The following UNC5C variants were observed in gnomAD, a reference collection of about 807,000 sequenced individuals.
The protein encoded by UNC5C is unc-5 netrin receptor C.
Under a neutral mutation model 99.8 loss-of-function variants are expected in UNC5C, and 47 were observed. The ratio of observed to expected loss-of-function variants is 0.47; its 90% CI spans 0.37 to 0.60. UNC5C has a LOEUF of 0.60. Ranked by LOEUF, UNC5C falls within the 20% of genes least tolerant of loss-of-function variation. The pLI is 0.00. For missense variants in UNC5C, 1,062 were observed against 1,165.9 expected (o/e 0.91, Z 1.30); for synonymous variants, 487 against 452.2 (o/e 1.08, Z -0.98).
intron 3 of UNC5C, 120 bp downstream of exon 3, chr4:95,301,486 C>T (rs570899306): frequency 6.0e-5 from 85 of 1,419,562 alleles, no homozygotes; most frequent in Non-Finnish European, 7.9e-5. Context: ...TGAGTCACCG[C>T]GCCTGGCCTT....
At chr4:95,461,631 A>G (rs1184202603) in intron 1 of UNC5C, among the ~76,000 whole-genome samples, 1 of 152,214 alleles carries the variant, frequency 6.6e-6, no homozygotes, top group Non-Finnish European at 1.5e-5. Flanking sequence ...CTGTTACATT[A>G]TCCTTAGTCT....
chr4:95,534,023 ACATTTTTATAATTATGTAGGGACTAAAC>A, intron 1 of UNC5C, among the ~76,000 whole-genome samples: 1 of 152,262 alleles, frequency 6.6e-6, no homozygotes, highest in South Asian at 2.1e-4. Flanking sequence ...TAAAGATAAA[ACATTTTTATAATTATGTAGGGACTAAAC>A]CATACTGTTG....
chr4:95,207,941 C>A (rs1019749169), intron 10 of UNC5C, among the ~76,000 whole-genome samples: 2 of 152,194 alleles, frequency 1.3e-5, no homozygotes, highest in Non-Finnish European at 2.9e-5. Flanking sequence ...TACACTGTTT[C>A]ATATATTTGG....
chr4:95,309,398 A>G (rs772641874), intron 2 of UNC5C, among the ~76,000 whole-genome samples: 1 of 152,166 alleles, frequency 6.6e-6, no homozygotes, highest in Non-Finnish European at 1.5e-5. Context: ...TATGACCCCA[A>G]AAACACAGGC....
chr4:95,481,842 T>C (rs969747428), intron 1 of UNC5C, among the ~76,000 whole-genome samples: 8 of 152,020 alleles, frequency 5.3e-5, no homozygotes, highest in Non-Finnish European at 8.8e-5. Context: ...TCCTTACATC[T>C]TATACAAAAA....
intron 1 of UNC5C, among the ~76,000 whole-genome samples, chr4:95,405,743 T>A (rs1043949852): frequency 9.9e-5 from 15 of 152,202 alleles, no homozygotes; most frequent in Non-Finnish European, 1.9e-4. Flanking sequence ...TCCTGTTTTA[T>A]TGCTGCGTGC....
intron 6 of UNC5C, among the ~76,000 whole-genome samples, chr4:95,244,118 C>T (rs900524307): frequency 6.6e-6 from 1 of 151,908 alleles, no homozygotes; most frequent in Non-Finnish European, 1.5e-5. Flanking sequence ...ATAAACATGA[C>T]CAAATTAGGC....
Position 95,258,746 on chromosome 4 carries a change from C to CTTTTTTTTTTTTTTTT in UNC5C, c.595-8095_595-8080dup, listed in dbSNP as rs775570031. 4.6e-4 allele frequency among the ~76,000 whole-genome samples: 35 copies of CTTTTTTTTTTTTTTTT among 76,038 alleles called. 2 individuals carry two copies. Among genetic ancestry groups the CTTTTTTTTTTTTTTTT allele is most frequent in the East Asian group, 1.1e-3 (2 of 1,890 alleles). The allele number at this position is 76,038 out of a possible 152,430, so 49.9% of individuals were successfully genotyped here. A position where few individuals can be genotyped will look rare whatever the true frequency, so the allele number is the denominator to read the frequency against. Reference sequence around the variant, plus strand: ...ACTATGTGTAATCGACCATCTTATTCTTTTTTTTTTTTTTTTTTTTTTTTT... The same window carrying CTTTTTTTTTTTTTTTT: ...ACTATGTGTAATCGACCATCTTATTCTTTTTTTTTTTTTTTTTTTTTTTTTTTTTTTTTTTTTTTTT... On this transcript the variant is annotated intron_variant, in intron 4 of 15. Transcript: ENST00000453304.
At chr4:95,232,995 C>T (rs575215811) in intron 7 of UNC5C, among the ~76,000 whole-genome samples, 301 of 152,340 alleles carry the variant, frequency 2.0e-3, no homozygotes, top group South Asian at 2.5e-3. Flanking sequence ...CTAGCACCTT[C>T]TCAAATGCCT....
chr4:95,195,576 C>T (rs10003306), intron 12 of UNC5C, among the ~76,000 whole-genome samples: 3,900 of 152,126 alleles, frequency 0.026, 169 homozygotes, highest in African/African-American at 0.089. Flanking sequence ...GTTCAGAGTT[C>T]GGTAAGGTCA....
chr4:95,332,166 G>A (rs1560790170), intron 2 of UNC5C, among the ~76,000 whole-genome samples: 1 of 151,856 alleles, frequency 6.6e-6, no homozygotes, highest in African/African-American at 2.4e-5. Flanking sequence ...TATAGATTCA[G>A]TGCCATCCCC....
At chr4:95,415,918 T>C (rs1746148450) in intron 1 of UNC5C, among the ~76,000 whole-genome samples, 1 of 152,076 alleles carries the variant, frequency 6.6e-6, no homozygotes, top group African/African-American at 2.4e-5. Context: ...ATTGTTGTTT[T>C]TTTTTTCACT....
Position 95,231,771 on chromosome 4 carries a change from G to A in UNC5C, c.1108+10658C>T, listed in dbSNP as rs75094381. Among the ~76,000 whole-genome samples, 928 of 152,268 alleles carry A rather than the reference G, an allele frequency of 6.1e-3. 12 individuals are homozygous for A. The highest frequency in any genetic ancestry group is 0.021 in the African/African-American group (882 of 41,538). ...CTGCACTAATGATGTCAAAGGTCAG[G>A]TCTGTCAAAGACACCCAGGGTCATT... On this transcript the variant is annotated intron_variant, in intron 7 of 15. Transcript: ENST00000453304.
In UNC5C at chr4:95,328,950, C is replaced by T. The variant is rs28494154; in HGVS notation, c.346+6460G>A. ...CCCCTCACCTGCATGCTCCCCCTCT[C>T]GAAAGCTGTTTGAGTGTGGCTTAAA... is the stretch of plus-strand genomic sequence containing the variant. On this transcript the variant is annotated intron_variant, in intron 2 of 15. Coordinates refer to ENST00000453304, the MANE Select transcript of UNC5C (RefSeq NM_003728.4). Among the ~76,000 whole-genome samples the T allele has an allele frequency of 7.6e-3, 1,160 of 152,144 alleles. 17 individuals carry two copies. The highest frequency in any genetic ancestry group is 0.026 in the African/African-American group (1,097 of 41,468).
At chr4:95,288,582 G>A (rs1741328174) in intron 3 of UNC5C, among the ~76,000 whole-genome samples, 1 of 152,122 alleles carries the variant, frequency 6.6e-6, no homozygotes, top group Non-Finnish European at 1.5e-5. Context: ...AGTTCTAAAG[G>A]CCAAATAATT....
chr4:95,392,770 A>G (rs1016545364), intron 1 of UNC5C, among the ~76,000 whole-genome samples: 1 of 152,136 alleles, frequency 6.6e-6, no homozygotes, highest in African/African-American at 2.4e-5. Flanking sequence ...CTATTCCACT[A>G]CAGAAATCTT....
chr4:95,250,213 G>A (rs1739645532), intron 5 of UNC5C, among the ~76,000 whole-genome samples: 1 of 152,040 alleles, frequency 6.6e-6, no homozygotes, highest in Non-Finnish European at 1.5e-5. Flanking sequence ...AGCAGCGATG[G>A]AGATTGAAAA....
intron 3 of UNC5C, among the ~76,000 whole-genome samples, chr4:95,293,266 T>C (rs548933723): frequency 1.3e-5 from 2 of 151,580 alleles, no homozygotes; most frequent in South Asian, 4.2e-4. Flanking sequence ...AAGGTCTGTT[T>C]ATGTTTCTGT....
chr4:95,434,539 C>G (rs1447688499), intron 1 of UNC5C, among the ~76,000 whole-genome samples: 2 of 152,046 alleles, frequency 1.3e-5, no homozygotes, highest in African/African-American at 4.8e-5. Flanking sequence ...GCTTTATATA[C>G]TTCCTTTACA....
Sources: allele counts gnomAD v4.1 joint callset (sites outside exome capture counted in the v4.1 genomes callset), GRCh38; gene constraint gnomAD v4.1.1; transcripts MANE v1.5; gene names NCBI Gene and HGNC (gene_info 2026-07-23, HGNC 2026-07-21).